Variants in FOXN3 observed in about 807,000 individuals in gnomAD.
The protein encoded by FOXN3 is forkhead box N3, also known as forkhead box protein N3.
Under a neutral mutation model 38.4 loss-of-function variants are expected in FOXN3, and 7 were observed. That is an observed-to-expected ratio of 0.18 (90% CI 0.10 to 0.34). The LOEUF is 0.34. FOXN3 is among the 10% of genes least tolerant of loss of function. The pLI is 1.00. For synonymous variants in FOXN3, 230 were observed against 242.2 expected, an observed-to-expected ratio of 0.95 and a Z score of 0.47; for missense variants, 456 against 613.4, an observed-to-expected ratio of 0.74 and a Z score of 2.71.
chr14:89,505,502 C>T (rs1893899729), intron 1 of FOXN3, among the ~76,000 whole-genome samples: 1 of 151,074 alleles, frequency 6.6e-6, no homozygotes, highest in African/African-American at 2.4e-5. Context: ...GTCTCCAGCT[C>T]CTAACCGCGA....
At chr14:89,363,957 T>TATATATATATATATATATATATA (rs1890000239) in intron 2 of FOXN3, among the ~76,000 whole-genome samples, 4 of 4,564 alleles carry the variant, frequency 8.8e-4, no homozygotes, top group Admixed American at 9.1e-3. Flanking sequence ...AATATATATA[T>TATATATATATATATATATATATA]ATATATATAT....
chr14:89,455,037 G>A (rs1485324886), intron 1 of FOXN3, among the ~76,000 whole-genome samples: 1 of 152,136 alleles, frequency 6.6e-6, no homozygotes, highest in Non-Finnish European at 1.5e-5. Context: ...GATACTTTTT[G>A]CTTGAGAAGC....
At chr14:89,243,320 CTT>C (rs1885194516) in intron 4 of FOXN3, among the ~76,000 whole-genome samples, 1 of 152,204 alleles carries the variant, frequency 6.6e-6, no homozygotes, top group South Asian at 2.1e-4. Flanking sequence ...CCCACAATCT[CTT>C]TTGGCTGTCA....
chr14:89,420,631 T>C (rs1446971759), upstream of FOXN3, among the ~76,000 whole-genome samples: 1 of 152,218 alleles, frequency 6.6e-6, no homozygotes, highest in Non-Finnish European at 1.5e-5. Flanking sequence ...GACTTGATTG[T>C]AGTAGAAGAG....
chr14:89,375,248 CCT>C (rs751018202), intron 2 of FOXN3, among the ~76,000 whole-genome samples: 2 of 151,948 alleles, frequency 1.3e-5, no homozygotes, highest in Non-Finnish European at 2.9e-5. Context: ...TTCACTAATC[CCT>C]CTGTTCATCG....
At chr14:89,204,019 A>G (rs1202305740) in intron 4 of FOXN3, among the ~76,000 whole-genome samples, 2 of 151,230 alleles carry the variant, frequency 1.3e-5, no homozygotes, top group Non-Finnish European at 2.9e-5. Flanking sequence ...CCAAGGTCAG[A>G]AAGAAATACC....
intron 4 of FOXN3, among the ~76,000 whole-genome samples, chr14:89,221,392 T>C (rs1483585840): frequency 1.3e-5 from 2 of 152,222 alleles, no homozygotes; most frequent in Non-Finnish European, 2.9e-5. Flanking sequence ...CCTTCTTTTC[T>C]TTCTCTCTTT....
intron 1 of FOXN3, among the ~76,000 whole-genome samples, chr14:89,567,323 T>C (rs1201231225): frequency 6.6e-6 from 1 of 152,224 alleles, no homozygotes; most frequent in Non-Finnish European, 1.5e-5. Flanking sequence ...AGCAGATAAT[T>C]GTGCTCACTT....
intron 1 of FOXN3, among the ~76,000 whole-genome samples, chr14:89,444,931 G>C (rs1371681350): frequency 6.6e-6 from 1 of 151,910 alleles, no homozygotes; most frequent in Non-Finnish European, 1.5e-5. Context: ...GACCAGCCTG[G>C]GCAACATAGC....
At chr14:89,241,087 C>A (rs1362638372) in intron 4 of FOXN3, among the ~76,000 whole-genome samples, 2 of 152,200 alleles carry the variant, frequency 1.3e-5, no homozygotes, top group Non-Finnish European at 2.9e-5. Context: ...CGCTACCCCC[C>A]ATATCACTGA....
intron 4 of FOXN3, among the ~76,000 whole-genome samples, chr14:89,231,950 T>C (rs6575046): frequency 0.74 from 112,622 of 152,074 alleles, 41,764 homozygotes; most frequent in African/African-American, 0.75. Flanking sequence ...TGGGAGAGGC[T>C]CCAATGGTGC....
intron 1 of FOXN3, among the ~76,000 whole-genome samples, chr14:89,586,110 C>T (rs767971559): frequency 1.3e-5 from 2 of 151,950 alleles, no homozygotes; most frequent in Non-Finnish European, 2.9e-5. Flanking sequence ...AATCTCTATC[C>T]GATTCAGCTT....
chr14:89,494,206 T>A (rs984867802), intron 1 of FOXN3: 3 of 152,222 alleles, frequency 2.0e-5, no homozygotes, highest in Non-Finnish European at 4.4e-5. Context: ...ACTGTGTCAC[T>A]GTAGATAGTC....
chr14:89,260,477 T>C (rs938354435), intron 4 of FOXN3, among the ~76,000 whole-genome samples: 1 of 152,184 alleles, frequency 6.6e-6, no homozygotes, highest in Non-Finnish European at 1.5e-5. Context: ...ACCCAGCTCA[T>C]CTATATCAGG....
At position 89,235,190 on chromosome 14, in the gene FOXN3, C is replaced by T. The variant is rs542421746; in HGVS notation, c.745+45760G>A. Among the ~76,000 whole-genome samples the T allele has an allele frequency of 2.6e-5, 4 of 152,280 alleles. No individual in the cohort carries two copies. In the East Asian group the frequency reaches 7.7e-4, roughly 29 times the overall value. On this transcript the variant is annotated intron_variant, in intron 4 of 5. Coordinates refer to ENST00000557258, the MANE Select transcript of FOXN3 (RefSeq NM_005197.4). ...GAGAAGAACAGAATGGAGAGTAATG[C>T]CTGATGTTTTGAAAACATCACCATG...
chr14:89,555,838 GGTGTGT>G (rs201016882), intron 1 of FOXN3, among the ~76,000 whole-genome samples: 3,590 of 89,668 alleles, frequency 0.04, 193 homozygotes, highest in Non-Finnish European at 0.067. Context: ...TCTAGTTCAT[GGTGTGT>G]GTGTGTGTGT....
intron 1 of FOXN3, among the ~76,000 whole-genome samples, chr14:89,614,374 C>A (rs1282976654): frequency 6.6e-6 from 1 of 152,148 alleles, no homozygotes; most frequent in African/African-American, 2.4e-5. Context: ...TATAAGTAAC[C>A]CCTAAAAATA....
chr14:89,390,028 T>G (rs4904563), intron 2 of FOXN3, among the ~76,000 whole-genome samples: 100,723 of 151,724 alleles, frequency 0.66, 34,132 homozygotes, highest in Admixed American at 0.75. Flanking sequence ...GAGACCAGCC[T>G]GGGCAACACA....
At chr14:89,204,792 C>CTCCA (rs142220885) in intron 4 of FOXN3, among the ~76,000 whole-genome samples, 41,045 of 150,684 alleles carry the variant, frequency 0.27, 5,490 homozygotes, top group East Asian at 0.37. Context: ...GAGACATAGG[C>CTCCA]TCCATCCATC....
Sources: gnomAD v4.1 joint callset for allele counts (sites outside exome capture counted in the v4.1 genomes callset) on GRCh38, gnomAD v4.1.1 for gene constraint, MANE v1.5 for transcripts, NCBI Gene and HGNC (gene_info 2026-07-23, HGNC 2026-07-21) for gene names.